KIR2DL1: variants seen among roughly 807,000 people sequenced by gnomAD.
The protein encoded by KIR2DL1 is killer cell immunoglobulin like receptor, two Ig domains and long cytoplasmic tail 1, also known as killer cell immunoglobulin-like receptor 2DL1.
KIR2DL1 carries 38 observed loss-of-function variants against 33.9 expected under a neutral mutation model. That is an observed-to-expected ratio of 1.12 (90% CI 0.86 to 1.47). KIR2DL1 has a LOEUF of 1.47. KIR2DL1 is among the 40% of genes most tolerant of loss of function. The pLI is 0.00. For synonymous variants in KIR2DL1, 179 were observed against 165.9 expected (o/e 1.08, Z -0.61); for missense variants, 531 against 433.9 (o/e 1.22, Z -1.99).
chr19:54,778,297 G>A (rs1344496750), intron 4 of KIR2DL1, among the ~76,000 whole-genome samples: 2 of 149,476 alleles, frequency 1.3e-5, no homozygotes, highest in African/African-American at 2.4e-5. Flanking sequence ...TAAATGCATG[G>A]AATATATCTG....
At chr19:54,778,218 C>T (rs1161722487) in intron 4 of KIR2DL1, among the ~76,000 whole-genome samples, 2 of 148,968 alleles carry the variant, frequency 1.3e-5, no homozygotes, top group East Asian at 3.9e-4. Flanking sequence ...GAGATTGCAC[C>T]TCTGCACTCC....
chr19:54,782,218 T>TCCA (rs2077050075), intron 5 of KIR2DL1, among the ~76,000 whole-genome samples: 2 of 151,812 alleles, frequency 1.3e-5, no homozygotes, highest in African/African-American at 4.9e-5. Context: ...CATGACGTCC[T>TCCA]CCAGGAAGAA....
chr19:54,779,593 A>C (rs1600828954), intron 5 of KIR2DL1, among the ~76,000 whole-genome samples: 1 of 146,512 alleles, frequency 6.8e-6, no homozygotes, highest in East Asian at 1.9e-4. Flanking sequence ...AATCTCCTGG[A>C]AATCATCCAG....
chr19:54,775,824 C>A lies in KIR2DL1; in HGVS notation c.664+366C>A, dbSNP rs111728007. On this transcript the variant is annotated intron_variant, in intron 4 of 7. Transcript: ENST00000336077. ...CACACAGAGATGTCATCACCAGCAACCCCTACACCCTTTACTTTTCTTTGA... is the reference window on the plus strand; with the variant it reads ...CACACAGAGATGTCATCACCAGCAAACCCTACACCCTTTACTTTTCTTTGA... Among the ~76,000 whole-genome samples the A allele has an allele frequency of 1.3e-5, 2 of 148,166 alleles. 1 individual carries two copies. The highest frequency in any genetic ancestry group is 3.0e-5 in the Non-Finnish European group (2 of 66,022).
intron 5 of KIR2DL1, among the ~76,000 whole-genome samples, chr19:54,782,376 G>A (rs1346797772): frequency 1.3e-5 from 2 of 152,068 alleles, no homozygotes; most frequent in East Asian, 1.9e-4. Context: ...TCTGCAGGCT[G>A]TACTGGAAGC....
At chr19:54,779,235 G>A (rs1195900059) in intron 5 of KIR2DL1, among the ~76,000 whole-genome samples, 1 of 148,394 alleles carries the variant, frequency 6.7e-6, no homozygotes, top group East Asian at 1.9e-4. Flanking sequence ...CAAGATTCGT[G>A]GGTGAAAACA....
rs371209191 is a variant in KIR2DL1 at position 54,783,019 on chromosome 19, A to G, written c.813A>G (p.Lys271=). The G allele has an allele frequency of 4.5e-3, 7,283 of 1,612,748 alleles. 279 individuals are homozygous for G. The African/African-American group carries it at 0.084, about 19-fold the overall frequency. The part of the protein sequence containing the change: ...FFLLHRWCSN[K]KNAAVMDQES... Reference sequence around the variant, plus strand: ...TCCTTCATCGCTGGTGCTCCAACAAAAAAAGTAAGTCTCACGAAGCAGAGG... The same window carrying G: ...TCCTTCATCGCTGGTGCTCCAACAAGAAAAGTAAGTCTCACGAAGCAGAGG... Residue 271 remains lysine, a synonymous_variant, in exon 6 of 8, where the codon AAA becomes AAG. Transcript: ENST00000336077.
At chr19:54,777,002 C>T (rs2076427939) in intron 4 of KIR2DL1, among the ~76,000 whole-genome samples, 1 of 151,504 alleles carries the variant, frequency 6.6e-6, no homozygotes, top group African/African-American at 2.4e-5. Flanking sequence ...CTAATTTACA[C>T]TCCTCCCAAC....
chr19:54,770,981 A>AGGAAGAAG, intron 2 of KIR2DL1, 97 bp downstream of exon 2: 10 of 1,495,606 alleles, frequency 6.7e-6, no homozygotes, highest in Non-Finnish European at 9.2e-6. Context: ...CTCATAAACT[A>AGGAAGAAG]GGAAGAAGGG....
rs2077269488 is a variant in KIR2DL1, at chr19:54,783,406, C to G, written c.818-80C>G. The G allele has an allele frequency of 2.0e-6, 3 of 1,517,592 alleles. No individual in the cohort carries two copies. The South Asian group carries it at 3.4e-5, about 17-fold the overall frequency. 94.0% of individuals were successfully genotyped at this position (1,517,592 alleles called of 1,614,324 possible). ...GGACCTCAGCCACCTATGGTCTCCC[C>G]CTGTATGTTGGTATCTGCTTATGAA... On this transcript the variant is annotated intron_variant, in intron 6 of 7. Transcript: ENST00000336077.
intron 5 of KIR2DL1, among the ~76,000 whole-genome samples, chr19:54,782,588 C>T (rs1285806449): frequency 2.0e-5 from 3 of 152,052 alleles, no homozygotes; most frequent in African/African-American, 7.2e-5. Context: ...CTAACCCCGT[C>T]TCCTTGGGAC....
At chr19:54,781,042 T>G (rs1347243693) in intron 5 of KIR2DL1, among the ~76,000 whole-genome samples, 2 of 91,620 alleles carry the variant, frequency 2.2e-5, no homozygotes, top group Admixed American at 1.3e-4. Context: ...AGCACGATGG[T>G]GCATCCCTGT....
At position 54,773,642 on chromosome 19, in the gene KIR2DL1, T is replaced by C; in HGVS notation, c.370+10T>C. The C allele has an allele frequency of 6.4e-7, 1 of 1,561,098 alleles. No individual in the cohort carries two copies. Among genetic ancestry groups the C allele is most frequent in the Non-Finnish European group, 8.8e-7 (1 of 1,139,514 alleles). ...GACATCGTGATCATAGGTGAGAGTG[T>C]CCAGACTTTCTTCTCATTGTCATTG... On this transcript the variant is annotated intron_variant, in intron 3 of 7. Coordinates refer to ENST00000336077, the MANE Select transcript of KIR2DL1 (RefSeq NM_014218.3).
intron 5 of KIR2DL1, among the ~76,000 whole-genome samples, chr19:54,779,883 T>C (rs1390134037): frequency 1.5e-5 from 2 of 135,816 alleles, no homozygotes; most frequent in Non-Finnish European, 3.2e-5. Flanking sequence ...CATCTGTGCA[T>C]GAAATCTATT....
At chr19:54,782,136 C>G (rs2916010) in intron 5 of KIR2DL1, among the ~76,000 whole-genome samples, 28,969 of 149,304 alleles carry the variant, frequency 0.19, 3,510 homozygotes, top group Non-Finnish European at 0.26. Context: ...AGTGTAGCTG[C>G]GGGAAGCCAG....
At chr19:54,782,659 A>G (rs1056510430) in intron 5 of KIR2DL1, among the ~76,000 whole-genome samples, 28 of 149,914 alleles carry the variant, frequency 1.9e-4, no homozygotes, top group Non-Finnish European at 3.0e-4. Flanking sequence ...AAGAGGCCCA[A>G]CCTCCCACAG....
chr19:54,783,007 G>T lies in KIR2DL1; in HGVS notation c.801G>T (p.Trp267Cys), dbSNP rs1405154131. The T allele has an allele frequency of 2.5e-6, 4 of 1,613,332 alleles. No homozygotes were observed. The African/African-American group carries it at 5.3e-5, about 22-fold the overall frequency. The change falls in exon 6 of 8, where the codon TGG (tryptophan) becomes TGT (cysteine). Residue 267 changes from tryptophan to cysteine, a missense_variant. Trp to Cys is a radical substitution (Grantham distance 215). Transcript: ENST00000336077. ...TCCTCTTCTTTCTCCTTCATCGCTGGTGCTCCAACAAAAAAAGTAAGTCTC... is the reference window on the plus strand; with the variant it reads ...TCCTCTTCTTTCTCCTTCATCGCTGTTGCTCCAACAAAAAAAGTAAGTCTC... ...FILLFFLLHR[W>C]CSNKKNAAVM... is the part of the protein sequence containing the mutation.
rs574807563 is a variant in KIR2DL1 at position 54,769,960 on chromosome 19, G to A, written c.34+76G>A. ...GCCCAGAGGTGGAGATATAGGCCTG[G>A]AGGTGGAGTTATGGGCCTGGAGTGG... On this transcript the variant is annotated intron_variant, in intron 1 of 7. Coordinates refer to ENST00000336077, the MANE Select transcript of KIR2DL1 (RefSeq NM_014218.3). 2.6e-6 allele frequency: 4 copies of A among 1,533,120 alleles called. No individual in the cohort carries two copies. The African/African-American group carries it at 5.5e-5, about 21-fold the overall frequency. The allele number at this position is 1,533,120 out of a possible 1,614,324, so 95.0% of individuals were successfully genotyped here.
chr19:54,772,335 G>A (rs1173430457), intron 2 of KIR2DL1, among the ~76,000 whole-genome samples: 4 of 147,524 alleles, frequency 2.7e-5, no homozygotes, highest in Non-Finnish European at 6.1e-5. Context: ...TATAGAGGCT[G>A]GAAAAGTCAA....
Sources: allele counts gnomAD v4.1 joint callset (sites outside exome capture counted in the v4.1 genomes callset), GRCh38; gene constraint gnomAD v4.1.1; transcripts MANE v1.5; gene names NCBI Gene and HGNC (gene_info 2026-07-23, HGNC 2026-07-21).